Variants in PCDHGA10 observed in about 807,000 individuals in gnomAD.
PCDHGA10 encodes the protein protocadherin gamma subfamily A, 10, also known as protocadherin gamma-A10.
PCDHGA10 carries 42 observed loss-of-function variants against 59.5 expected under a neutral mutation model. The ratio of observed to expected loss-of-function variants is 0.71; its 90% confidence interval spans 0.55 to 0.91. The LOEUF is 0.91. PCDHGA10 is among the 40% of genes least tolerant of loss of function. The pLI, the probability that PCDHGA10 is intolerant of heterozygous loss-of-function variation, is 0.00. For synonymous variants in PCDHGA10, 511 were observed against 517.2 expected (o/e 0.99, Z 0.16); for missense variants, 1,111 against 1,198.2 (o/e 0.93, Z 1.07).
intron 1 of PCDHGA10, chr5:141,427,261 C>A (rs903526432): frequency 1.5e-5 from 7 of 456,556 alleles, no homozygotes; most frequent in African/African-American, 4.0e-5. Flanking sequence ...GGAGGCATGA[C>A]CAGCGAATGT....
rs768206517 is a variant in PCDHGA10, at chr5:141,432,482, G to A, written c.2436+16871G>A. 10 of 1,614,060 alleles carry A rather than the reference G, an allele frequency of 6.2e-6. No homozygotes were observed. The highest frequency in any genetic ancestry group is 1.3e-5 in the African/African-American group (1 of 74,946). On this transcript the variant is annotated intron_variant, in intron 1 of 3. Coordinates refer to ENST00000398610, the MANE Select transcript of PCDHGA10 (RefSeq NM_018913.3). The surrounding 1 kb of genome is among the most constrained non-coding windows in gnomAD (Gnocchi z 6.0). ...CCTCCCCACGGACGGTTCCACTGGC[G>A]TGGAGCTGGCTCCCCGCTCCGCAGA...
At chr5:141,449,080 A>G (rs2098627421) in intron 1 of PCDHGA10, among the ~76,000 whole-genome samples, 1 of 152,198 alleles carries the variant, frequency 6.6e-6, no homozygotes, top group Non-Finnish European at 1.5e-5. Context: ...CCCTGTACCT[A>G]CATCAGTTTT....
rs146235929 is a variant in PCDHGA10 at position 141,511,610 on chromosome 5, C to A, written c.*437C>A. On this transcript the variant is annotated 3_prime_UTR_variant, in exon 4 of 4. Transcript: ENST00000398610. ...GAAGTACCAAGTAACCTACAAGCCT[C>A]CTAGTTCTGAAAAGTTGGAAGGGCA... 1.0e-3 allele frequency: 247 copies of A among 237,682 alleles called. 1 individual carries two copies. The highest frequency in any genetic ancestry group is 5.2e-3 in the African/African-American group (235 of 45,400). The allele number at this position is 237,682 out of a possible 1,614,324, so 14.7% of individuals were successfully genotyped here. A position where few individuals can be genotyped will look rare whatever the true frequency, so the allele number is the denominator to read the frequency against.
chr5:141,432,945 G>A lies in PCDHGA10; in HGVS notation c.2436+17334G>A, dbSNP rs761055026. On this transcript the variant is annotated intron_variant, in intron 1 of 3. Transcript: ENST00000398610. This position sits in a 1 kb window ranked among gnomAD's most constrained non-coding sequence, Gnocchi z 6.0. ...AAGTCACGCCTGCTGCAGGCTTCAGGAGGCGGCTTGACAGGAGCGCCGGCG... is the reference window on the plus strand; with the variant it reads ...AAGTCACGCCTGCTGCAGGCTTCAGAAGGCGGCTTGACAGGAGCGCCGGCG... 3 of 1,614,218 alleles carry A rather than the reference G, an allele frequency of 1.9e-6. No individual in the cohort carries two copies. The highest frequency in any genetic ancestry group is 2.5e-6 in the Non-Finnish European group (3 of 1,180,058).
At chr5:141,462,387 A>G (rs781355919) in intron 1 of PCDHGA10, among the ~76,000 whole-genome samples, 13 of 152,178 alleles carry the variant, frequency 8.5e-5, no homozygotes, top group Non-Finnish European at 1.3e-4. Context: ...AAATTCGTTA[A>G]CATTTCTTTT....
rs1562187768 is a variant in PCDHGA10, at chr5:141,499,029, A to AAGG, written c.2495+4165_2495+4166insGGA. 5.0e-3 allele frequency among the ~76,000 whole-genome samples: 706 copies of AAGG among 140,066 alleles called. 6 individuals carry two copies. Among genetic ancestry groups the AAGG allele is most frequent in the African/African-American group, 0.019 (683 of 36,064 alleles). The allele number at this position is 140,066 out of a possible 152,430, so 91.9% of individuals were successfully genotyped here. A position where few individuals can be genotyped will look rare whatever the true frequency, so the allele number is the denominator to read the frequency against. ...GGAAGGAAGGAAGGAAGGAAGGAAG[A>AAGG]AAAGAAAGAAAAAGGGAGAAAAAAT... On this transcript the variant is annotated intron_variant, in intron 2 of 3. Transcript: ENST00000398610.
At position 141,415,070 on chromosome 5, in the gene PCDHGA10, C is replaced by G. The variant is rs538474552; in HGVS notation, c.1895C>G (p.Thr632Arg). ...AVGEHTGEVR[T>R]ARALLDRDAL... ...GGGGAGCACACGGGCGAGGTGCGCACGGCGCGAGCCCTGCTGGACAGAGAC... is the reference window on the plus strand; with the variant it reads ...GGGGAGCACACGGGCGAGGTGCGCAGGGCGCGAGCCCTGCTGGACAGAGAC... Residue 632 changes from threonine (T) to arginine (R), a missense_variant, in exon 1 of 4, where the codon ACG becomes AGG. Coordinates refer to ENST00000398610, the MANE Select transcript of PCDHGA10 (RefSeq NM_018913.3). 26 of 1,613,284 alleles carry G rather than the reference C, an allele frequency of 1.6e-5. No homozygotes were observed. The Middle Eastern group carries it at 1.5e-3, about 92-fold the overall frequency.
chr5:141,421,220 A>G (rs1178268746), intron 1 of PCDHGA10: 2 of 1,575,620 alleles, frequency 1.3e-6, no homozygotes, highest in Non-Finnish European at 1.7e-6. Flanking sequence ...ATCGGCTTAG[A>G]GCCTGCCATG....
At chr5:141,481,638 T>G (rs1465682432) in intron 1 of PCDHGA10, among the ~76,000 whole-genome samples, 1 of 152,014 alleles carries the variant, frequency 6.6e-6, no homozygotes, top group Admixed American at 6.6e-5. Context: ...GCCAACATGG[T>G]GAAACTTCAT....
chr5:141,433,110 G>C (rs1031253372), intron 1 of PCDHGA10: 1 of 1,614,098 alleles, frequency 6.2e-7, no homozygotes, highest in Middle Eastern at 1.7e-4. Context: ...AGCCAGGAGA[G>C]CTTTGAAAAA....
chr5:141,485,362 G>T lies in PCDHGA10; in HGVS notation c.2437-9445G>T. 6.2e-7 allele frequency: 1 copy of T among 1,614,144 alleles called. No individual in the cohort carries two copies. ...ATACGGACAGTCTGTCAGCTCGCAG[G>T]CTGCAGGTCGCTGGAGAGGTGAACC... is the stretch of plus-strand genomic sequence containing the variant. On this transcript the variant is annotated intron_variant, in intron 1 of 3. Coordinates refer to ENST00000398610, the MANE Select transcript of PCDHGA10 (RefSeq NM_018913.3). The surrounding 1 kb of genome is among the most constrained non-coding windows in gnomAD (Gnocchi z 5.7).
chr5:141,465,454 T>G (rs1031876441), intron 1 of PCDHGA10, among the ~76,000 whole-genome samples: 1 of 152,184 alleles, frequency 6.6e-6, no homozygotes, highest in African/African-American at 2.4e-5. Context: ...AAGAAAACTC[T>G]CACCAAATTG....
rs1025148587 is a variant in PCDHGA10 at position 141,431,434 on chromosome 5, C to A, written c.2436+15823C>A. ...GGGGCGACCCGGTGCGCACAGGCAC[C>A]GCGCGCATCCGCGTGATGGTTCTGG... On this transcript the variant is annotated intron_variant, in intron 1 of 3. Transcript: ENST00000398610. This position sits in a 1 kb window ranked among gnomAD's most constrained non-coding sequence, Gnocchi z 4.8. 1.2e-6 allele frequency: 2 copies of A among 1,613,690 alleles called. No homozygotes were observed. Among genetic ancestry groups the A allele is most frequent in the Admixed American group, 1.7e-5 (1 of 60,014 alleles).
chr5:141,505,418 A>T lies in PCDHGA10; in HGVS notation c.2521A>T (p.Thr841Ser). 1 of 1,614,186 alleles carries T rather than the reference A, an allele frequency of 6.2e-7. No homozygotes were observed. Among genetic ancestry groups the T allele is most frequent in the East Asian group, 2.2e-5 (1 of 44,876 alleles). The change falls in exon 3 of 4, where the codon ACC becomes TCC. Residue 841 changes from threonine to serine, a missense_variant. By Grantham distance (58) the Thr-to-Ser change is moderately conservative. Coordinates refer to ENST00000398610, the MANE Select transcript of PCDHGA10 (RefSeq NM_018913.3). ...SGSQNGDDTG[T>S]WPNNQFDTEM... ...CTCCCAAAATGGCGATGACACCGGC[A>T]CCTGGCCCAACAACCAGTTTGACAC...
rs754537015 is a variant in PCDHGA10 at position 141,431,184 on chromosome 5, T to C, written c.2436+15573T>C. The C allele has an allele frequency of 2.5e-6, 4 of 1,614,090 alleles. No individual in the cohort carries two copies. In the South Asian group the frequency reaches 3.3e-5, roughly 13 times the overall value. ...CGTGAAAGTGAATTAGAAATAAAAATTAGTGAAAATGCAGCCACTGAGATG... is the reference window on the plus strand; with the variant it reads ...CGTGAAAGTGAATTAGAAATAAAAACTAGTGAAAATGCAGCCACTGAGATG... On this transcript the variant is annotated intron_variant, in intron 1 of 3. Coordinates refer to ENST00000398610, the MANE Select transcript of PCDHGA10 (RefSeq NM_018913.3). This position sits in a 1 kb window ranked among gnomAD's most constrained non-coding sequence, Gnocchi z 4.8.
chr5:141,419,315 C>A lies in PCDHGA10; in HGVS notation c.2436+3704C>A, dbSNP rs2096357855. ...TGACCCAGACTTCGGGCTCAACGGC[C>A]GTGTCTCCTACTCTCTCATTGCCAG... On this transcript the variant is annotated intron_variant, in intron 1 of 3. Transcript: ENST00000398610. 3 of 1,613,880 alleles carry A rather than the reference C, an allele frequency of 1.9e-6. No homozygotes were observed. Among genetic ancestry groups the A allele is most frequent in the Non-Finnish European group, 2.5e-6 (3 of 1,179,910 alleles).
intron 1 of PCDHGA10, among the ~76,000 whole-genome samples, chr5:141,473,706 G>C (rs1241009670): frequency 6.6e-6 from 1 of 152,186 alleles, no homozygotes; most frequent in African/African-American, 2.4e-5. Context: ...CCTCCAAGTG[G>C]TGCAATGGAA....
chr5:141,421,535 G>A, intron 1 of PCDHGA10: 7 of 1,614,032 alleles, frequency 4.3e-6, no homozygotes, highest in East Asian at 2.2e-5. Flanking sequence ...GTGTCCTCCT[G>A]TTTTTTAAAT....
chr5:141,438,591 CATATATATATATATAT>C (rs946798767), intron 1 of PCDHGA10, among the ~76,000 whole-genome samples: 4 of 75,562 alleles, frequency 5.3e-5, no homozygotes, highest in East Asian at 3.5e-4. Context: ...TACATACATA[CATATATATATATATAT>C]ATATATATAT....
Sources: allele counts gnomAD v4.1 joint callset (sites outside exome capture counted in the v4.1 genomes callset), GRCh38; gene constraint gnomAD v4.1.1; non-coding constraint Gnocchi (gnomAD v3.1); transcripts MANE v1.5; gene names NCBI Gene and HGNC (gene_info 2026-07-23, HGNC 2026-07-21).